Variants in ZGLP1 observed in about 807,000 individuals in gnomAD.
ZGLP1 encodes the protein GATA-type zinc finger protein 1.
In ZGLP1, 11 loss-of-function variants were observed where a neutral mutation model predicts 21.4. That is an observed-to-expected ratio of 0.51 (90% confidence interval 0.32 to 0.85). The LOEUF (loss-of-function observed/expected upper bound fraction) is 0.85. Ranked by LOEUF, ZGLP1 falls within the 40% of genes least tolerant of loss-of-function variation. The pLI is 0.03. For missense variants in ZGLP1, 295 were observed against 355.6 expected (o/e 0.83, Z 1.37); for synonymous variants, 148 against 145.0 (o/e 1.02, Z -0.15).
Position 10,305,819 on chromosome 19 carries a change from T to G in ZGLP1, c.604+27A>C. The G allele has an allele frequency of 6.5e-7, 1 of 1,528,706 alleles. No homozygotes were observed. The highest frequency in any genetic ancestry group is 8.9e-7 in the Non-Finnish European group (1 of 1,126,136). 94.7% of individuals were successfully genotyped at this position (1,528,706 alleles called of 1,614,324 possible). On this transcript the variant is annotated intron_variant, in intron 2 of 3. Transcript: ENST00000403903. This position sits in a 1 kb window ranked among gnomAD's most constrained non-coding sequence, Gnocchi z 4.7. ...ACAGGAAATTGGCCCCCAAAATATT[T>G]ATAGCTCTTGGGTTTTCAGGACTCA...
chr19:10,306,051 C>T (rs906395086), intron 1 of ZGLP1, 99 bp from the exon 3 acceptor site: 33 of 743,596 alleles, frequency 4.4e-5, no homozygotes, highest in Non-Finnish European at 5.3e-5. Context: ...CAGCCATCCC[C>T]CGAGGAGGCA....
Position 10,305,720 on chromosome 19 carries a change from T to C in ZGLP1, c.604+126A>G. ...ACTCAGCCCAAGTGGAGGGGGGTGC[T>C]GCGACTCCTCCCTGAGGGCTCTAAA... is the stretch of plus-strand genomic sequence containing the variant. On this transcript the variant is annotated intron_variant, in intron 2 of 3. Transcript: ENST00000403903. The surrounding 1 kb of genome is among the most constrained non-coding windows in gnomAD (Gnocchi z 4.7). The C allele has an allele frequency of 1.2e-6, 1 of 813,600 alleles. No individual in the cohort carries two copies. Among genetic ancestry groups the C allele is most frequent in the Non-Finnish European group, 2.0e-6 (1 of 497,674 alleles). The allele number at this position is 813,600 out of a possible 1,614,324, so 50.4% of individuals were successfully genotyped here. A position where few individuals can be genotyped will look rare whatever the true frequency, so the allele number is the denominator to read the frequency against.
Position 10,305,608 on chromosome 19 carries a change from G to T in ZGLP1, c.605-125C>A. On this transcript the variant is annotated intron_variant, in intron 2 of 3. Coordinates refer to ENST00000403903, the Ensembl canonical transcript of ZGLP1. This position sits in a 1 kb window ranked among gnomAD's most constrained non-coding sequence, Gnocchi z 4.7. ...CCCCACCTAGCTCTGGATCAGCCCT[G>T]GGAGTTGCCAGCTCTAAGCCACAGC... 1 of 872,408 alleles carries T rather than the reference G, an allele frequency of 1.1e-6. No individual in the cohort carries two copies. Among genetic ancestry groups the T allele is most frequent in the Non-Finnish European group, 1.8e-6 (1 of 551,846 alleles). 54.0% of individuals were successfully genotyped at this position (872,408 alleles called of 1,614,324 possible). A position where few individuals can be genotyped will look rare whatever the true frequency, so the allele number is the denominator to read the frequency against.
At chr19:10,306,365 G>A (rs999076359) in intron 1 of ZGLP1, among the ~76,000 whole-genome samples, 2 of 151,796 alleles carry the variant, frequency 1.3e-5, no homozygotes, top group Admixed American at 6.6e-5. Context: ...CACCCACCTC[G>A]GCCTCCCAAA....
rs1333824260 is a variant in ZGLP1, at chr19:10,308,487, C to T, written c.195G>A (p.Glu65=). The stretch of plus-strand genomic sequence containing the variant: ...CCTGGGCAGGGGACTGACCCAGCCT[C>T]TCCACTGTCTCTTGGAGGAAGCACA... Residue 65 remains glutamate (E), a synonymous_variant, in exon 1 of 4, where the codon GAG becomes GAA. Transcript: ENST00000403903. 3 of 1,611,742 alleles carry T rather than the reference C, an allele frequency of 1.9e-6. No individual in the cohort carries two copies. The East Asian group carries it at 6.7e-5, about 36-fold the overall frequency.
chr19:10,307,308 G>T (rs1029081824), intron 1 of ZGLP1, among the ~76,000 whole-genome samples: 2 of 150,810 alleles, frequency 1.3e-5, no homozygotes, highest in African/African-American at 2.4e-5. Context: ...AAAGTGCTGG[G>T]ATTACAGGTG....
In ZGLP1 at chr19:10,305,716, G is replaced by A; in HGVS notation, c.604+130C>T. The stretch of plus-strand genomic sequence containing the variant: ...GGTGACTCAGCCCAAGTGGAGGGGG[G>A]TGCTGCGACTCCTCCCTGAGGGCTC... On this transcript the variant is annotated intron_variant, in intron 2 of 3. Transcript: ENST00000403903. This position sits in a 1 kb window ranked among gnomAD's most constrained non-coding sequence, Gnocchi z 4.7. 5 of 798,996 alleles carry A rather than the reference G, an allele frequency of 6.3e-6. No individual in the cohort carries two copies. Among genetic ancestry groups the A allele is most frequent in the African/African-American group, 3.4e-5 (2 of 58,874 alleles). The allele number at this position is 798,996 out of a possible 1,614,324, so 49.5% of individuals were successfully genotyped here.
At chr19:10,308,803 C>A in exon 1 of ZGLP1, 1 of 987,532 alleles carries the variant, frequency 1.0e-6, no homozygotes, top group Non-Finnish European at 1.4e-6. Flanking sequence ...CCGTAGATCA[C>A]CCAGGCAGGG....
chr19:10,306,911 A>C (rs1384281922), intron 1 of ZGLP1, among the ~76,000 whole-genome samples: 2 of 152,148 alleles, frequency 1.3e-5, no homozygotes, highest in Non-Finnish European at 2.9e-5. Context: ...AGGCAGATGG[A>C]TCACCTGAGG....
At position 10,305,375 on chromosome 19, in the gene ZGLP1, C is replaced by T. The variant is rs776255656; in HGVS notation, c.698+15G>A. ...TGGGGACCCCCGCCCCAACTCCCTC[C>T]TCCATTCTAAGGACCTGATCCCACA... On this transcript the variant is annotated intron_variant, in intron 3 of 3. Transcript: ENST00000403903. This position sits in a 1 kb window ranked among gnomAD's most constrained non-coding sequence, Gnocchi z 4.7. The T allele has an allele frequency of 1.0e-5, 16 of 1,580,230 alleles. No homozygotes were observed. The African/African-American group carries it at 2.2e-4, about 21-fold the overall frequency.
chr19:10,306,779 C>T (rs767620519), intron 1 of ZGLP1, among the ~76,000 whole-genome samples: 15 of 151,918 alleles, frequency 9.9e-5, no homozygotes, highest in Non-Finnish European at 1.9e-4. Context: ...TGCGCCACTG[C>T]ACTCCACCCT....
At chr19:10,308,956 A>AGTGCAGCCTAGAACTCC (rs1237931695) in exon 1 of ZGLP1, 1 of 291,758 alleles carries the variant, frequency 3.4e-6, no homozygotes. Flanking sequence ...ATCAGGACTC[A>AGTGCAGCCTAGAACTCC]GTGCAGCCTA....
At position 10,305,542 on chromosome 19, in the gene ZGLP1, C is replaced by T. The variant is rs533108535; in HGVS notation, c.605-59G>A. On this transcript the variant is annotated intron_variant, in intron 2 of 3. Coordinates refer to ENST00000403903, the Ensembl canonical transcript of ZGLP1. The surrounding 1 kb of genome is among the most constrained non-coding windows in gnomAD (Gnocchi z 4.7). ...AGGCCAAGCATGTGAGCTCGGGATGCCTGTGCGGAGTCGGGCATTTTGTGG... is the reference window on the plus strand; with the variant it reads ...AGGCCAAGCATGTGAGCTCGGGATGTCTGTGCGGAGTCGGGCATTTTGTGG... The T allele has an allele frequency of 8.9e-4, 1,298 of 1,459,476 alleles. 19 individuals carry two copies. In the South Asian group the frequency reaches 0.015, roughly 17 times the overall value. The allele number at this position is 1,459,476 out of a possible 1,614,324, so 90.4% of individuals were successfully genotyped here. A position where few individuals can be genotyped will look rare whatever the true frequency, so the allele number is the denominator to read the frequency against.
Position 10,308,170 on chromosome 19 carries a change from C to G in ZGLP1, c.497+15G>C. On this transcript the variant is annotated intron_variant, in intron 1 of 3. Transcript: ENST00000403903. ...AACTGGGAGAAAGGGCGGCCTGGCCCCAGCCGGCCCCTACCTGTACGTGGG... is the reference window on the plus strand; with the variant it reads ...AACTGGGAGAAAGGGCGGCCTGGCCGCAGCCGGCCCCTACCTGTACGTGGG... 3 of 1,515,570 alleles carry G rather than the reference C, an allele frequency of 2.0e-6. No individual in the cohort carries two copies. Among genetic ancestry groups the G allele is most frequent in the Non-Finnish European group, 2.6e-6 (3 of 1,134,408 alleles). 93.9% of individuals were successfully genotyped at this position (1,515,570 alleles called of 1,614,324 possible). A position where few individuals can be genotyped will look rare whatever the true frequency, so the allele number is the denominator to read the frequency against.
intron 1 of ZGLP1, among the ~76,000 whole-genome samples, chr19:10,307,315 G>A (rs910849713): frequency 1.3e-5 from 2 of 150,506 alleles, no homozygotes; most frequent in African/African-American, 2.5e-5. Context: ...TGGGATTACA[G>A]GTGTGAGCCA....
Position 10,309,673 on chromosome 19 carries a change from T to G in ZGLP1, c.-992A>C, listed in dbSNP as rs1026152689. 6.6e-6 allele frequency: 1 copy of G among 152,276 alleles called. No individual in the cohort carries two copies. Among genetic ancestry groups the G allele is most frequent in the African/African-American group, 2.4e-5 (1 of 41,400 alleles). 9.4% of individuals were successfully genotyped at this position (152,276 alleles called of 1,614,324 possible). A position where few individuals can be genotyped will look rare whatever the true frequency, so the allele number is the denominator to read the frequency against. Reference sequence around the variant, plus strand: ...CCTCTTTCTGGCTTTTTTCAGGTCATCCGCGCACCCCTGCGTGGCAAGGGC... The same window carrying G: ...CCTCTTTCTGGCTTTTTTCAGGTCAGCCGCGCACCCCTGCGTGGCAAGGGC... On this transcript the variant is annotated 5_prime_UTR_variant, in exon 1 of 4. An upstream start codon of the reference 5' UTR is lost. Coordinates refer to ENST00000403903, the Ensembl canonical transcript of ZGLP1.
chr19:10,305,440 G>A lies in ZGLP1; in HGVS notation c.648C>T (p.Leu216=), dbSNP rs2040273772. ...GGGTCCCATCTTCAGCGTCTCTCCAGAGCGGGGTCCTCTGGGTCCGACAGG... is the reference window on the plus strand; with the variant it reads ...GGGTCCCATCTTCAGCGTCTCTCCAAAGCGGGGTCCTCTGGGTCCGACAGG... Residue 216 remains leucine, a synonymous_variant, in exon 3 of 4, where the codon CTC becomes CTT. Coordinates refer to ENST00000403903, the Ensembl canonical transcript of ZGLP1. This position sits in a 1 kb window ranked among gnomAD's most constrained non-coding sequence, Gnocchi z 4.7. 6.2e-7 allele frequency: 1 copy of A among 1,601,340 alleles called. No individual in the cohort carries two copies. Among genetic ancestry groups the A allele is most frequent in the African/African-American group, 1.3e-5 (1 of 74,748 alleles).
chr19:10,305,722 C>T lies in ZGLP1; in HGVS notation c.604+124G>A, dbSNP rs2040275348. On this transcript the variant is annotated intron_variant, in intron 2 of 3. Transcript: ENST00000403903. The surrounding 1 kb of genome is among the most constrained non-coding windows in gnomAD (Gnocchi z 4.7). Reference sequence around the variant, plus strand: ...TCAGCCCAAGTGGAGGGGGGTGCTGCGACTCCTCCCTGAGGGCTCTAAATG... The same window carrying T: ...TCAGCCCAAGTGGAGGGGGGTGCTGTGACTCCTCCCTGAGGGCTCTAAATG... 7.2e-6 allele frequency: 6 copies of T among 834,060 alleles called. No homozygotes were observed. The highest frequency in any genetic ancestry group is 5.3e-5 in the East Asian group (2 of 37,540). The allele number at this position is 834,060 out of a possible 1,614,324, so 51.7% of individuals were successfully genotyped here.
Position 10,305,881 on chromosome 19 carries a change from C to T in ZGLP1, c.569G>A (p.Gly190Asp). The T allele has an allele frequency of 2.6e-6, 4 of 1,562,214 alleles. No homozygotes were observed. Among genetic ancestry groups the T allele is most frequent in the Non-Finnish European group, 2.6e-6 (3 of 1,151,982 alleles). Residue 190 changes from glycine (G) to aspartate (D), a missense_variant, in exon 2 of 4, where the codon GGC (glycine) becomes GAC (aspartate). Physicochemically the swap from Gly to Asp is moderately conservative, Grantham distance 94 (BLOSUM62 -1). Transcript: ENST00000403903. The surrounding 1 kb of genome is among the most constrained non-coding windows in gnomAD (Gnocchi z 4.7). Reference sequence around the variant, plus strand: ...GCTGCCTGCTGAGTGGGCCTCGGTGCCTCCTGGGTGGGCTGCAGGGCCCCC... The same window carrying T: ...GCTGCCTGCTGAGTGGGCCTCGGTGTCTCCTGGGTGGGCTGCAGGGCCCCC...
Sources: gnomAD v4.1 joint callset for allele counts (sites outside exome capture counted in the v4.1 genomes callset) on GRCh38, gnomAD v4.1.1 for gene constraint, Gnocchi (gnomAD v3.1) non-coding constraint, MANE v1.5 for transcripts, NCBI Gene and HGNC (gene_info 2026-07-23, HGNC 2026-07-21) for gene names.